The following C6 variants were observed in gnomAD, a reference collection of about 807,000 sequenced individuals.
C6 encodes the protein complement component C6.
C6 carries 101 observed loss-of-function variants against 112.9 expected under a neutral mutation model. The observed-to-expected ratio is 0.89, with a 90% CI of 0.76 to 1.06. C6 has a LOEUF of 1.06. Ranked by LOEUF, C6 falls within the 50% of genes least tolerant of loss-of-function variation. The pLI is 0.00. For missense variants in C6, 1,202 were observed against 1,104.6 expected (o/e 1.09, Z -1.25); for synonymous variants, 431 against 384.1 (o/e 1.12, Z -1.43).
rs1366015086 is a variant in C6 at position 41,153,918 on chromosome 5, T to C, written c.2182A>G (p.Ile728Val). Reference protein sequence around the residue: ...FQRLYRIGESIELTCPKGFVV... With the variant: ...FQRLYRIGESVELTCPKGFVV... ...AAGCCTTTGGGGCAAGTTAGCTCAA[T>C]GGATTCACCAATTCTATACAATCTC... The change falls in exon 15 of 18, where the codon ATT becomes GTT. Residue 728 changes from isoleucine to valine, a missense_variant. Transcript: ENST00000337836. 3 of 1,613,632 alleles carry C rather than the reference T, an allele frequency of 1.9e-6. No individual in the cohort carries two copies. The highest frequency in any genetic ancestry group is 2.7e-5 in the African/African-American group (2 of 74,936).
Position 41,160,249 on chromosome 5 carries a change from C to A in C6, c.1577G>T (p.Cys526Phe), listed in dbSNP as rs1184191238. Residue 526 changes from cysteine (C) to phenylalanine (F), a missense_variant, in exon 11 of 18, where the codon TGC (cysteine) becomes TTC (phenylalanine). Cys to Phe is a radical substitution (Grantham distance 205, BLOSUM62 -2). Coordinates refer to ENST00000337836, the MANE Select transcript of C6 (RefSeq NM_000065.5). ...GAGGGTGGGTCGGCCATTATTAGGGCATGGAGCACACTGGCAAGGATCGAA... is the reference window on the plus strand; with the variant it reads ...GAGGGTGGGTCGGCCATTATTAGGGAATGGAGCACACTGGCAAGGATCGAA... ...AKFDPCQCAPCPNNGRPTLSG... is the reference protein window; with the variant it reads ...AKFDPCQCAPFPNNGRPTLSG... The A allele has an allele frequency of 6.2e-7, 1 of 1,613,742 alleles. No individual in the cohort carries two copies. Among genetic ancestry groups the A allele is most frequent in the African/African-American group, 1.3e-5 (1 of 74,886 alleles).
chr5:41,149,122 T>A, intron 17 of C6, 119 bp downstream of exon 17: 2 of 1,294,008 alleles, frequency 1.5e-6, no homozygotes, highest in Non-Finnish European at 1.1e-6. Context: ...TTATGAATTT[T>A]TTTTACAATG....
At chr5:41,155,211 T>A (rs1468767729) in intron 13 of C6, 107 bp from the exon 14 acceptor site, 1 of 1,014,362 alleles carries the variant, frequency 9.9e-7, no homozygotes, top group Non-Finnish European at 1.5e-6. Context: ...ATCTACTCAG[T>A]CACCAAGTCC....
At chr5:41,222,178 CA>C (rs540497553) in intron 1 of C6, among the ~76,000 whole-genome samples, 2 of 146,404 alleles carry the variant, frequency 1.4e-5, no homozygotes, top group African/African-American at 5.0e-5. Context: ...AAAAAAAAAA[CA>C]AAAAAAAGAA....
chr5:41,242,632 T>G (rs1439237773), intron 1 of C6, among the ~76,000 whole-genome samples: 2 of 152,206 alleles, frequency 1.3e-5, no homozygotes, highest in Non-Finnish European at 2.9e-5. Flanking sequence ...TCAAACATCT[T>G]TATATAAATT....
At chr5:41,249,603 C>G (rs2150436242) in intron 1 of C6, among the ~76,000 whole-genome samples, 1 of 152,258 alleles carries the variant, frequency 6.6e-6, no homozygotes, top group South Asian at 2.1e-4. Context: ...AGGGATTAGC[C>G]AGATGTGTTT....
intron 3 of C6, among the ~76,000 whole-genome samples, chr5:41,200,821 C>T (rs1299903804): frequency 1.4e-5 from 2 of 147,972 alleles, no homozygotes; most frequent in African/African-American, 2.5e-5. Flanking sequence ...AGTTTTGATT[C>T]ATTTCCCTCA....
chr5:41,245,986 T>C (rs1740998250), intron 1 of C6, among the ~76,000 whole-genome samples: 2 of 152,202 alleles, frequency 1.3e-5, no homozygotes, highest in South Asian at 4.1e-4. Context: ...TGAAGAAGGT[T>C]TCCTTCCCTT....
chr5:41,172,312 T>C lies in C6; in HGVS notation c.1204A>G (p.Ile402Val). The C allele has an allele frequency of 6.2e-7, 1 of 1,613,576 alleles. No homozygotes were observed. The highest frequency in any genetic ancestry group is 8.5e-7 in the Non-Finnish European group (1 of 1,179,650). The change falls in exon 9 of 18, where the codon ATT becomes GTT. Residue 402 changes from isoleucine to valine, a missense_variant. Coordinates refer to ENST00000337836, the MANE Select transcript of C6 (RefSeq NM_000065.5). ...AATAAAACGCGTTTCTTTGTTTCAA[T>C]CCTGACACAGTGTTTGGCTTCTTCC... Reference protein sequence around the residue: ...TEEEAKHCVRIETKKRVLFAK... With the variant: ...TEEEAKHCVRVETKKRVLFAK...
Position 41,161,860 on chromosome 5 carries a change from C to T in C6, c.1292-1G>A. The T allele has an allele frequency of 1.2e-6, 2 of 1,613,252 alleles. No individual in the cohort carries two copies. Among genetic ancestry groups the T allele is most frequent in the Non-Finnish European group, 1.7e-6 (2 of 1,179,480 alleles). ...TTCTCTGCTCCCTGTATAAATGAAC[C>T]TGCAAGGTGTTTCAATAAAAATGCC... On this transcript the variant is annotated splice_acceptor_variant, in intron 9 of 17. Transcript: ENST00000337836. LOFTEE classifies it high-confidence loss of function.
At chr5:41,224,448 T>C (rs924251140) in intron 1 of C6, among the ~76,000 whole-genome samples, 2 of 152,166 alleles carry the variant, frequency 1.3e-5, no homozygotes, top group African/African-American at 4.8e-5. Context: ...CAATCTACTT[T>C]CTGTGTCTAT....
At chr5:41,185,655 G>A (rs1291669880) in intron 6 of C6, among the ~76,000 whole-genome samples, 1 of 152,068 alleles carries the variant, frequency 6.6e-6, no homozygotes, top group Non-Finnish European at 1.5e-5. Flanking sequence ...TTTTTCTTAT[G>A]AGCCTGGCAC....
At position 41,150,043 on chromosome 5, in the gene C6, A is replaced by G. The variant is rs1746235696; in HGVS notation, c.2291-18T>C. 3 of 1,516,518 alleles carry G rather than the reference A, an allele frequency of 2.0e-6. No individual in the cohort carries two copies. The highest frequency in any genetic ancestry group is 4.5e-5 in the East Asian group (2 of 44,358). 93.9% of individuals were successfully genotyped at this position (1,516,518 alleles called of 1,614,324 possible). A position where few individuals can be genotyped will look rare whatever the true frequency, so the allele number is the denominator to read the frequency against. Reference sequence around the variant, plus strand: ...TAGAGTATCTGAAACAAAAGAAAAAAGGAGAAAAGAACAGTGCACAGCATG... The same window carrying G: ...TAGAGTATCTGAAACAAAAGAAAAAGGGAGAAAAGAACAGTGCACAGCATG... On this transcript the variant is annotated intron_variant, in intron 15 of 17. Coordinates refer to ENST00000337836, the MANE Select transcript of C6 (RefSeq NM_000065.5).
chr5:41,258,693 G>A (rs1416533904), intron 1 of C6, among the ~76,000 whole-genome samples: 1 of 152,174 alleles, frequency 6.6e-6, no homozygotes, highest in Non-Finnish European at 1.5e-5. Context: ...AAATACCTGA[G>A]ACTGGGTAAT....
At chr5:41,211,001 T>C (rs1221677290) in intron 1 of C6, among the ~76,000 whole-genome samples, 1 of 152,220 alleles carries the variant, frequency 6.6e-6, no homozygotes, top group East Asian at 1.9e-4. Context: ...TGTCCATCAA[T>C]GATAGACTGG....
At chr5:41,243,868 C>A (rs1229976470) in intron 1 of C6, among the ~76,000 whole-genome samples, 2 of 152,194 alleles carry the variant, frequency 1.3e-5, no homozygotes, top group Non-Finnish European at 2.9e-5. Flanking sequence ...TCTCTTTCCT[C>A]AGTTGGAGTA....
Position 41,158,674 on chromosome 5 carries a change from C to T in C6, c.1968G>A (p.Arg656=), listed in dbSNP as rs1203897286. The part of the protein sequence containing the change: ...QPVPPENGFI[R]NEKQLYLVGE... The stretch of plus-strand genomic sequence containing the variant: ...CAAAAGTGAGGTTTAGGATGCTGAC[C>T]CGGATAAATCCATTTTCTGGAGGAA... Residue 656 remains arginine (R), a splice_region_variant and synonymous_variant, in exon 13 of 18, where the codon CGG becomes CGA. Transcript: ENST00000337836. 3 of 1,576,446 alleles carry T rather than the reference C, an allele frequency of 1.9e-6. No individual in the cohort carries two copies. In the Admixed American group the frequency reaches 5.0e-5, roughly 26 times the overall value.
At chr5:41,227,260 G>A (rs1195497676) in intron 1 of C6, among the ~76,000 whole-genome samples, 2 of 151,968 alleles carry the variant, frequency 1.3e-5, no homozygotes, top group Non-Finnish European at 2.9e-5. Flanking sequence ...GTCTTCTTTT[G>A]AGAAATGTCT....
In C6 at chr5:41,209,445, A is replaced by G. The variant is rs561148593; in HGVS notation, c.-21+3931T>C. 2.6e-5 allele frequency among the ~76,000 whole-genome samples: 4 copies of G among 152,330 alleles called. No individual in the cohort carries two copies. The East Asian group carries it at 7.7e-4, about 29-fold the overall frequency. ...GGAATGAAATTGTCCCTGTTTGCAG[A>G]TGACATGATTGTATATTTAGAAAAT... On this transcript the variant is annotated intron_variant, in intron 1 of 17. Coordinates refer to ENST00000337836, the MANE Select transcript of C6 (RefSeq NM_000065.5).
Sources: allele counts gnomAD v4.1 joint callset (sites outside exome capture counted in the v4.1 genomes callset), GRCh38; gene constraint gnomAD v4.1.1; transcripts MANE v1.5; gene names NCBI Gene and HGNC (gene_info 2026-07-23, HGNC 2026-07-21).